TMEM35A: variants seen among roughly 807,000 people sequenced by gnomAD.
The protein encoded by TMEM35A is nicotinic acetylcholine receptor chaperone.
For synonymous variants in TMEM35A, 50 were observed against 54.7 expected (o/e 0.91, Z 0.38); for missense variants, 83 against 132.7 (o/e 0.63, Z 1.84).
intron 1 of TMEM35A, among the ~76,000 whole-genome samples, chrX:101,090,715 TACTTAGAGAATGGTAAC>T (rs1398307393): frequency 1.8e-5 from 2 of 111,101 alleles, no homozygotes; most frequent in Non-Finnish European, 3.8e-5. Context: ...TATATACCCA[TACTTAGAGAATGGTAAC>T]ACCTATCTAT....
chrX:101,085,233 A>G (rs1319380702), intron 1 of TMEM35A, among the ~76,000 whole-genome samples: 1 of 111,963 alleles, frequency 8.9e-6, no homozygotes, highest in Non-Finnish European at 1.9e-5. Flanking sequence ...CAAATATAAT[A>G]TCATTAATAT....
At chrX:101,085,624 T>TG (rs2089304950) in intron 1 of TMEM35A, among the ~76,000 whole-genome samples, 1 of 103,272 alleles carries the variant, frequency 9.7e-6, no homozygotes, top group African/African-American at 3.6e-5. Flanking sequence ...AATAATAAAT[T>TG]AAAAAAATTA....
chrX:101,091,129 C>T (rs2089323024), intron 1 of TMEM35A, among the ~76,000 whole-genome samples: 1 of 110,793 alleles, frequency 9.0e-6, no homozygotes, highest in Non-Finnish European at 1.9e-5. Context: ...GCGTGAGACA[C>T]TGCACCCGGC....
Position 101,094,724 on chromosome X carries a change from A to C in TMEM35A, c.272A>C (p.Asn91Thr), listed in dbSNP as rs2089333729. Reference sequence around the variant, plus strand: ...CCTGGGCGTCCCAAAGATGTGGCCAACTTCTTCCTACTGTTGCTGGTGTTG... The same window carrying C: ...CCTGGGCGTCCCAAAGATGTGGCCACCTTCTTCCTACTGTTGCTGGTGTTG... ...LVPGRPKDVA[N>T]FFLLLLVLAV... The change falls in exon 2 of 2, where the codon AAC becomes ACC. Residue 91 changes from asparagine to threonine, a missense_variant. Transcript: ENST00000372930. 8.3e-7 allele frequency: 1 copy of C among 1,209,392 alleles called. No individual in the cohort carries two copies. Among genetic ancestry groups the C allele is most frequent in the African/African-American group, 1.8e-5 (1 of 56,946 alleles).
At chrX:101,093,874 T>C (rs1010354838) in intron 1 of TMEM35A, among the ~76,000 whole-genome samples, 3 of 111,535 alleles carry the variant, frequency 2.7e-5, no homozygotes, top group Non-Finnish European at 5.6e-5. Context: ...GCCTTCTAAC[T>C]GTGTCCTCAC....
chrX:101,092,685 C>T (rs1418535559), intron 1 of TMEM35A, among the ~76,000 whole-genome samples: 1 of 107,451 alleles, frequency 9.3e-6, no homozygotes, highest in African/African-American at 3.4e-5. Flanking sequence ...CATGGCGAAA[C>T]CCCATCTCTA....
rs1406907562 is a variant in TMEM35A at position 101,095,675 on chromosome X, A to C, written c.*719A>C. ...ATGCATGCAGTCAAATTGATAGTTT[A>C]ATTCTTCAAGTGATAATATAGGAAG... On this transcript the variant is annotated 3_prime_UTR_variant, in exon 2 of 2. Coordinates refer to ENST00000372930, the MANE Select transcript of TMEM35A (RefSeq NM_021637.3). 1.0e-5 allele frequency: 1 copy of C among 95,335 alleles called. No homozygotes were observed. Among genetic ancestry groups the C allele is most frequent in the East Asian group, 3.3e-4 (1 of 3,051 alleles). 7.9% of individuals were successfully genotyped at this position (95,335 alleles called of 1,213,427 possible). A position where few individuals can be genotyped will look rare whatever the true frequency, so the allele number is the denominator to read the frequency against.
intron 1 of TMEM35A, among the ~76,000 whole-genome samples, chrX:101,087,957 A>G (rs1255299947): frequency 9.0e-6 from 1 of 111,230 alleles, no homozygotes; most frequent in African/African-American, 3.3e-5. Context: ...GGTTGTGGTG[A>G]GCCGAGATCG....
chrX:101,085,580 G>A (rs959137982), intron 1 of TMEM35A, among the ~76,000 whole-genome samples: 1 of 109,619 alleles, frequency 9.1e-6, no homozygotes, highest in Non-Finnish European at 1.9e-5. Flanking sequence ...TAGCCTGGGC[G>A]ACAGAGTAAG....
At chrX:101,088,776 A>C (rs2148110440) in intron 1 of TMEM35A, among the ~76,000 whole-genome samples, 1 of 110,290 alleles carries the variant, frequency 9.1e-6, no homozygotes, top group South Asian at 3.9e-4. Context: ...TGTGGGGTAC[A>C]TGCCTGTAAA....
chrX:101,084,748 C>T (rs760431681), intron 1 of TMEM35A, among the ~76,000 whole-genome samples: 38 of 110,849 alleles, frequency 3.4e-4, no homozygotes, highest in African/African-American at 1.1e-3. Flanking sequence ...ACCTGTAATC[C>T]CAGCTACCTG....
intron 1 of TMEM35A, among the ~76,000 whole-genome samples, chrX:101,080,273 C>A (rs1187449755): frequency 9.0e-6 from 1 of 111,530 alleles, no homozygotes; most frequent in African/African-American, 3.3e-5. Context: ...TCATAGCTCT[C>A]CTGAACCCAC....
In TMEM35A at chrX:101,095,145, C is replaced by T. The variant is rs140413877; in HGVS notation, c.*189C>T. Reference sequence around the variant, plus strand: ...TGACTTCCCCACATTGACATTTGTGCGCCACCTTTAATCACTCTGGGGCAA... The same window carrying T: ...TGACTTCCCCACATTGACATTTGTGTGCCACCTTTAATCACTCTGGGGCAA... On this transcript the variant is annotated 3_prime_UTR_variant, in exon 2 of 2. Coordinates refer to ENST00000372930, the MANE Select transcript of TMEM35A (RefSeq NM_021637.3). The T allele has an allele frequency of 1.3e-5, 6 of 454,867 alleles. No homozygotes were observed. The highest frequency in any genetic ancestry group is 4.2e-5 in the South Asian group (1 of 23,994). The allele number at this position is 454,867 out of a possible 1,213,427, so 37.5% of individuals were successfully genotyped here.
chrX:101,092,660 G>A (rs1042879504), intron 1 of TMEM35A, among the ~76,000 whole-genome samples: 3 of 107,381 alleles, frequency 2.8e-5, no homozygotes, highest in African/African-American at 1.0e-4. Flanking sequence ...AGGAGTTCGA[G>A]ACCAGCCTGG....
intron 1 of TMEM35A, among the ~76,000 whole-genome samples, chrX:101,085,776 C>T (rs1367384930): frequency 9.4e-6 from 1 of 106,065 alleles, no homozygotes; most frequent in Non-Finnish European, 1.9e-5. Flanking sequence ...AAAATACACA[C>T]ACACAAAAAA....
At chrX:101,086,477 T>C (rs1043424361) in intron 1 of TMEM35A, among the ~76,000 whole-genome samples, 4 of 112,294 alleles carry the variant, frequency 3.6e-5, no homozygotes, top group African/African-American at 1.3e-4. Flanking sequence ...GCTGATGCTA[T>C]GACACTTTGA....
intron 1 of TMEM35A, among the ~76,000 whole-genome samples, chrX:101,085,137 C>T (rs2089303374): frequency 8.9e-6 from 1 of 111,758 alleles, no homozygotes; most frequent in Non-Finnish European, 1.9e-5. Context: ...CCTGTGTTCT[C>T]ATTTTGTATT....
chrX:101,082,133 C>CTTTTTTTTTTTTTTTTTT, intron 1 of TMEM35A, among the ~76,000 whole-genome samples: 2 of 20,482 alleles, frequency 9.8e-5, no homozygotes, highest in Admixed American at 1.3e-3. Flanking sequence ...TTCTTTCTTT[C>CTTTTTTTTTTTTTTTTTT]TTTTTTTTTT....
chrX:101,078,915 C>G lies in TMEM35A; in HGVS notation c.-88C>G. The G allele has an allele frequency of 1.7e-6, 2 of 1,145,090 alleles. No individual in the cohort carries two copies. The highest frequency in any genetic ancestry group is 2.4e-6 in the Non-Finnish European group (2 of 845,027). The allele number at this position is 1,145,090 out of a possible 1,213,427, so 94.4% of individuals were successfully genotyped here. On this transcript the variant is annotated 5_prime_UTR_variant, in exon 1 of 2. Transcript: ENST00000372930. ...TGCCTGCTGCCTCCGCAGCGTCCCC[C>G]CAGCTCTCCCTGTGCTAACTGCCTG... is the stretch of plus-strand genomic sequence containing the variant.
Sources: gnomAD v4.1 joint callset for allele counts (sites outside exome capture counted in the v4.1 genomes callset) on GRCh38, gnomAD v4.1.1 for gene constraint, MANE v1.5 for transcripts, NCBI Gene and HGNC (gene_info 2026-07-23, HGNC 2026-07-21) for gene names.